TANC2: variants seen among roughly 807,000 people sequenced by gnomAD.
The protein encoded by TANC2 is tetratricopeptide repeat, ankyrin repeat and coiled-coil containing 2.
In TANC2, 26 loss-of-function variants were observed where a neutral mutation model predicts 210.5. The ratio of observed to expected loss-of-function variants is 0.12; its 90% CI spans 0.09 to 0.17. TANC2 has a LOEUF of 0.17. TANC2 is among the 10% of genes least tolerant of loss of function. The probability of loss-of-function intolerance (pLI) is 1.00; values close to 1 mark genes in which losing one functional copy is unlikely to be tolerated. For missense variants in TANC2, 2,129 were observed against 2,608.9 expected (o/e 0.82, Z 4.01); for synonymous variants, 931 against 967.1 (o/e 0.96, Z 0.69).
intron 2 of TANC2, among the ~76,000 whole-genome samples, chr17:63,073,663 T>C (rs2036475395): frequency 6.6e-6 from 1 of 152,178 alleles, no homozygotes. Context: ...TTGGTGTTGA[T>C]AACTTTCCTT....
intron 14 of TANC2, among the ~76,000 whole-genome samples, chr17:63,365,579 T>A (rs1376522619): frequency 6.6e-6 from 1 of 152,232 alleles, no homozygotes; most frequent in Admixed American, 6.5e-5. Flanking sequence ...CAAAGCCAGA[T>A]TGTTCAAAGC....
intron 4 of TANC2, among the ~76,000 whole-genome samples, chr17:63,132,979 T>G (rs1259574170): frequency 6.6e-6 from 1 of 152,118 alleles, no homozygotes; most frequent in Non-Finnish European, 1.5e-5. Flanking sequence ...GTTTTTTTTG[T>G]TTTTTGTTTT....
intron 9 of TANC2, among the ~76,000 whole-genome samples, chr17:63,274,371 A>G (rs1218748855): frequency 6.6e-6 from 1 of 152,186 alleles, no homozygotes; most frequent in Non-Finnish European, 1.5e-5. Context: ...GAGCTTGAAT[A>G]CTAATGATAA....
chr17:63,047,780 GAC>G (rs966170694), intron 2 of TANC2, among the ~76,000 whole-genome samples: 14 of 152,058 alleles, frequency 9.2e-5, no homozygotes, highest in Non-Finnish European at 1.0e-4. Context: ...TAAAACAAAA[GAC>G]AGATTTGTTA....
intron 4 of TANC2, among the ~76,000 whole-genome samples, chr17:63,137,546 T>C (rs1451522972): frequency 6.6e-6 from 1 of 152,194 alleles, no homozygotes. Context: ...TGAAGATAGT[T>C]TATATAATCT....
At chr17:63,121,960 T>G (rs1286305839) in intron 4 of TANC2, among the ~76,000 whole-genome samples, 1 of 129,908 alleles carries the variant, frequency 7.7e-6, no homozygotes, top group African/African-American at 2.9e-5. Context: ...GAGTGAGACT[T>G]CATCTCTTGC....
At chr17:63,389,638 G>A (rs1322985028) in intron 17 of TANC2, 94 bp downstream of exon 17, 3 of 1,227,972 alleles carry the variant, frequency 2.4e-6, no homozygotes, top group Non-Finnish European at 3.5e-6. Flanking sequence ...ATGAGTCTGG[G>A]TAGAGTATAT....
rs529796867 is a variant in TANC2 at position 63,122,998 on chromosome 17, A to G, written c.322+23641A>G. ...CATGAAGGATGCTCTGGAAGAGACA[A>G]CTGGGACCAAAATGACGAAGCCATT... On this transcript the variant is annotated intron_variant, in intron 4 of 27. Coordinates refer to ENST00000689528, the Ensembl canonical transcript of TANC2. Among the ~76,000 whole-genome samples, 76 of 152,326 alleles carry G rather than the reference A, an allele frequency of 5.0e-4. 1 individual carries two copies. The East Asian group carries it at 0.012, about 25-fold the overall frequency.
intron 8 of TANC2, among the ~76,000 whole-genome samples, chr17:63,255,183 C>T (rs2043158452): frequency 6.6e-6 from 1 of 152,070 alleles, no homozygotes; most frequent in African/African-American, 2.4e-5. Context: ...CGGCTCACTG[C>T]AAGCTCCACC....
exon 14 of TANC2, chr17:63,355,260 A>C (rs777294082): frequency 6.2e-7 from 1 of 1,613,604 alleles, no homozygotes; most frequent in East Asian, 2.2e-5. Context: ...TTTTCAGCAG[A>C]GAATGGAGAA....
At chr17:63,273,242 AT>A (rs2043769616) in intron 9 of TANC2, among the ~76,000 whole-genome samples, 1 of 152,132 alleles carries the variant, frequency 6.6e-6, no homozygotes, top group African/African-American at 2.4e-5. Flanking sequence ...GCCATGAGCC[AT>A]TATTGCTCCA....
intron 2 of TANC2, among the ~76,000 whole-genome samples, chr17:63,067,789 G>T (rs2036254479): frequency 3.3e-5 from 5 of 152,132 alleles, no homozygotes. Flanking sequence ...GCAGGGGATG[G>T]CGGGGAAGAG....
intron 5 of TANC2, among the ~76,000 whole-genome samples, chr17:63,156,801 C>T (rs1455740109): frequency 6.6e-6 from 1 of 152,040 alleles, no homozygotes. Context: ...CTCAAGCAAC[C>T]TTCTGCCTCA....
At chr17:63,311,302 G>A (rs1835121525) in intron 9 of TANC2, among the ~76,000 whole-genome samples, 1 of 152,108 alleles carries the variant, frequency 6.6e-6, no homozygotes, top group African/African-American at 2.4e-5. Context: ...TATTAAAAAT[G>A]ATAATATAGA....
chr17:63,178,194 G>C (rs548089605), intron 5 of TANC2, among the ~76,000 whole-genome samples: 6 of 152,160 alleles, frequency 3.9e-5, no homozygotes, highest in African/African-American at 1.4e-4. Context: ...TTAGCCGGGC[G>C]TGGTGGAGGG....
chr17:62,976,178 A>C (rs2143328052), intron 1 of TANC2, among the ~76,000 whole-genome samples: 1 of 152,296 alleles, frequency 6.6e-6, no homozygotes, highest in East Asian at 1.9e-4. Flanking sequence ...TCTTTTGAAC[A>C]CTACTAACTT....
chr17:63,235,600 A>G (rs1045155862), intron 7 of TANC2, among the ~76,000 whole-genome samples: 20 of 152,022 alleles, frequency 1.3e-4, no homozygotes, highest in Non-Finnish European at 2.1e-4. Context: ...TTTCTTTCTT[A>G]GAGAGAAATT....
chr17:62,988,821 C>T (rs2032708348), intron 1 of TANC2, among the ~76,000 whole-genome samples: 1 of 152,056 alleles, frequency 6.6e-6, no homozygotes, highest in Non-Finnish European at 1.5e-5. Context: ...AGAAGACAAA[C>T]CAGTACTAGC....
intron 5 of TANC2, among the ~76,000 whole-genome samples, chr17:63,158,382 T>A (rs1325025647): frequency 6.6e-6 from 1 of 152,220 alleles, no homozygotes; most frequent in Non-Finnish European, 1.5e-5. Flanking sequence ...ATTACACATT[T>A]ACTTCTTGGA....
Sources: allele counts gnomAD v4.1 joint callset (sites outside exome capture counted in the v4.1 genomes callset), GRCh38; gene constraint gnomAD v4.1.1; transcripts MANE v1.5; gene names NCBI Gene and HGNC (gene_info 2026-07-23, HGNC 2026-07-21).